HSPA8: variants seen among roughly 807,000 people sequenced by gnomAD.
The protein encoded by HSPA8 is heat shock protein family A (Hsp70) member 8.
HSPA8 carries 2 observed loss-of-function variants against 52.8 expected under a neutral mutation model. The ratio of observed to expected loss-of-function variants is 0.04; its 90% CI spans 0.02 to 0.12. The LOEUF (loss-of-function observed/expected upper bound fraction) is 0.12, where lower values mean the gene tolerates loss of function less well. HSPA8 is among the 10% of genes least tolerant of loss of function. The pLI is 1.00. For synonymous variants in HSPA8, 436 were observed against 274.0 expected (o/e 1.59, Z -5.84); for missense variants, 349 against 800.5 (o/e 0.44, Z 6.81).
intron 1 of HSPA8, chr11:123,061,709 A>G (rs1865509503): frequency 3.6e-6 from 1 of 275,090 alleles, no homozygotes; most frequent in Admixed American, 4.9e-5. Context: ...ACAGCTCTGA[A>G]GAACCACGGT....
chr11:123,057,575 C>T lies in HSPA8; in HGVS notation c.*159G>A, dbSNP rs1286111505. ...GTGTTTATAAAGTGCAATGTTATTT[C>T]CTTCCCCTGTGCATATGTTCCATAT... On this transcript the variant is annotated 3_prime_UTR_variant, in exon 9 of 9. Coordinates refer to ENST00000534624, the MANE Select transcript of HSPA8 (RefSeq NM_006597.6). The T allele has an allele frequency of 8.9e-6, 5 of 564,604 alleles. No homozygotes were observed. Among genetic ancestry groups the T allele is most frequent in the Non-Finnish European group, 1.6e-5 (5 of 320,774 alleles). The allele number at this position is 564,604 out of a possible 1,614,324, so 35.0% of individuals were successfully genotyped here.
chr11:123,059,410 C>T, intron 5 of HSPA8, 63 bp downstream of exon 5: 2 of 1,445,038 alleles, frequency 1.4e-6, no homozygotes, highest in Non-Finnish European at 1.9e-6. Context: ...TTAACAATCA[C>T]TCATCACAGC....
Position 123,057,776 on chromosome 11 carries a change from A to G in HSPA8, c.1899T>C (p.Ser633=). The stretch of plus-strand genomic sequence containing the variant: ...TGGTGGGCCCTGAGGAAGCACCACC[A>G]GAGGGAGGAGCTCCACCACCAGGAA... ...GGFPGGGAPP[S]GGASSGPTIE... is the part of the protein sequence containing the mutation. Residue 633 remains serine, a synonymous_variant, in exon 9 of 9, where the codon TCT becomes TCC. Coordinates refer to ENST00000534624, the MANE Select transcript of HSPA8 (RefSeq NM_006597.6). 1 of 1,613,752 alleles carries G rather than the reference A, an allele frequency of 6.2e-7. No individual in the cohort carries two copies. The highest frequency in any genetic ancestry group is 1.1e-5 in the South Asian group (1 of 91,064).
In HSPA8 at chr11:123,060,701, G is replaced by C; in HGVS notation, c.303C>G (p.Pro101=). 1 of 1,613,652 alleles carries C rather than the reference G, an allele frequency of 6.2e-7. No individual in the cohort carries two copies. The highest frequency in any genetic ancestry group is 1.1e-5 in the South Asian group (1 of 91,074). ...PFMVVNDAGR[P]KVQVEYKGET... Reference sequence around the variant, plus strand: ...CTCCCTTGTATTCTACTTGGACCTTGGGCCTGCCAGCATCATTCACCACCA... The same window carrying C: ...CTCCCTTGTATTCTACTTGGACCTTCGGCCTGCCAGCATCATTCACCACCA... Residue 101 remains proline (P), a synonymous_variant, in exon 3 of 9, where the codon CCC becomes CCG. Coordinates refer to ENST00000534624, the MANE Select transcript of HSPA8 (RefSeq NM_006597.6).
At chr11:123,060,529 C>T in intron 3 of HSPA8, 64 bp downstream of exon 3, 3 of 1,268,010 alleles carry the variant, frequency 2.4e-6, no homozygotes, top group Non-Finnish European at 3.5e-6. Flanking sequence ...GTGCCAGTGC[C>T]CCCGGGAGTC....
intron 3 of HSPA8, 41 bp from the exon 4 acceptor site, chr11:123,060,309 C>G (rs76100066): frequency 3.2e-6 from 5 of 1,585,280 alleles, no homozygotes; most frequent in East Asian, 2.2e-5. Flanking sequence ...AACTATTATA[C>G]TTACATATAT....
Position 123,061,277 on chromosome 11 carries a change from A to G in HSPA8, c.48T>C (p.Ser16=). Residue 16 remains serine (S), a synonymous_variant, in exon 2 of 9, where the codon TCT becomes TCC. Transcript: ENST00000534624. ...AVGIDLGTTY[S]CVGVFQHGKV... is the part of the protein sequence containing the mutation. ...TTCCGTGCTGGAAAACACCCACACA[A>G]GAGTAGGTGGTGCCAAGATCAATAC... 1.2e-6 allele frequency: 2 copies of G among 1,613,988 alleles called. No homozygotes were observed. The highest frequency in any genetic ancestry group is 1.7e-6 in the Non-Finnish European group (2 of 1,179,864).
At chr11:123,061,420 G>A (rs965626219) in intron 1 of HSPA8, 91 bp from the exon 2 acceptor site, 4 of 961,294 alleles carry the variant, frequency 4.2e-6, no homozygotes, top group Non-Finnish European at 6.4e-6. Context: ...AAAAACGTAT[G>A]GCCACTGCCA....
chr11:123,058,088 T>C (rs1401021673), intron 8 of HSPA8, 164 bp downstream of exon 8: 1 of 715,808 alleles, frequency 1.4e-6, no homozygotes, highest in Non-Finnish European at 2.3e-6. Flanking sequence ...CACTCAGACA[T>C]CCAAGGAAGG....
At position 123,059,128 on chromosome 11, in the gene HSPA8, G is replaced by A. The variant is rs550170308; in HGVS notation, c.1254C>T (p.Thr418=). The change falls in exon 6 of 9, where the codon ACC becomes ACT. Residue 418 remains threonine (T), a synonymous_variant. Coordinates refer to ENST00000534624, the MANE Select transcript of HSPA8 (RefSeq NM_006597.6). ...TCTGTGTCTGCTTGGTAGGAATGGT[G>A]GTATTACGCTTGATGAGGACAGTCA... ...GVMTVLIKRN[T]TIPTKQTQTF... 33 of 1,612,102 alleles carry A rather than the reference G, an allele frequency of 2.0e-5. No individual in the cohort carries two copies. In the South Asian group the frequency reaches 3.0e-4, roughly 14 times the overall value.
At chr11:123,060,821 ACACTTTCAATTT>A in intron 2 of HSPA8, 23 bp from the exon 3 acceptor site, 4 of 1,080,760 alleles carry the variant, frequency 3.7e-6, no homozygotes, top group Non-Finnish European at 4.9e-6. Flanking sequence ...TCAAATGAAA[ACACTTTCAATTT>A]CATAGCTCTT....
At chr11:123,062,315 C>A (rs1414329833), upstream of HSPA8, 1 of 152,716 alleles carries the variant, frequency 6.5e-6, no homozygotes, top group Non-Finnish European at 1.5e-5. Context: ...GCACCCACCC[C>A]ACCGCGCTCC....
chr11:123,062,178 A>G (rs1239373720), upstream of HSPA8: 1 of 152,554 alleles, frequency 6.6e-6, no homozygotes, highest in Non-Finnish European at 1.5e-5. Context: ...ACCCTATCTT[A>G]GAACCTTCCA....
In HSPA8 at chr11:123,058,335, G is replaced by T; in HGVS notation, c.1672C>A (p.Leu558Ile). ...NMKATVEDEK[L>I]QGKINDEDKQ... ...TCCTCATCGTTAATCTTGCCTTGAA[G>T]TTTCTCATCTTCAACAGTTGCTTTC... Residue 558 changes from leucine (L) to isoleucine (I), a missense_variant, in exon 8 of 9, where the codon CTT (leucine) becomes ATT (isoleucine). Coordinates refer to ENST00000534624, the MANE Select transcript of HSPA8 (RefSeq NM_006597.6). 2 of 1,613,518 alleles carry T rather than the reference G, an allele frequency of 1.2e-6. No individual in the cohort carries two copies. Among genetic ancestry groups the T allele is most frequent in the Non-Finnish European group, 1.7e-6 (2 of 1,179,782 alleles).
In HSPA8 at chr11:123,058,288, C is replaced by T. The variant is rs757641811; in HGVS notation, c.1719G>A (p.Lys573=). Residue 573 remains lysine, a synonymous_variant, in exon 8 of 9, where the codon AAG becomes AAA. Transcript: ENST00000534624. ...NDEDKQKILD[K]CNEIINWLDK... ...CAAGCCAGTTGATAATTTCATTACA[C>T]TTGTCCAGAATCTTCTGTTTGTCCT... 1.6e-5 allele frequency: 25 copies of T among 1,590,848 alleles called. No individual in the cohort carries two copies. Among genetic ancestry groups the T allele is most frequent in the South Asian group, 1.1e-4 (10 of 90,546 alleles).
chr11:123,062,022 C>G (rs1054302005), intron 1 of HSPA8, 42 bp downstream of exon 1: 1 of 153,126 alleles, frequency 6.5e-6, no homozygotes, highest in Non-Finnish European at 1.5e-5. Context: ...GGAGGCTGCA[C>G]GCTCCCAGAC....
rs1064585 is a variant in HSPA8 at position 123,058,699 on chromosome 11, T to G, written c.1455A>C (p.Ile485=). The G allele has an allele frequency of 0.18, 289,941 of 1,612,996 alleles. 29,050 individuals carry two copies. Among genetic ancestry groups the G allele is most frequent in the African/African-American group, 0.4 (30,119 of 74,902 alleles). Residue 485 remains isoleucine, a synonymous_variant, in exon 7 of 9, where the codon ATA becomes ATC. Transcript: ENST00000534624. Reference sequence around the variant, plus strand: ...TCTTGTCCACAGCAGAGACATTGAGTATACCATTGGCATCAATGTCAAAAG... The same window carrying G: ...TCTTGTCCACAGCAGAGACATTGAGGATACCATTGGCATCAATGTCAAAAG... ...EVTFDIDANG[I]LNVSAVDKST...
chr11:123,058,535 G>C (rs374190356), intron 7 of HSPA8, 51 bp from the exon 8 acceptor site: 20 of 1,583,730 alleles, frequency 1.3e-5, no homozygotes, highest in African/African-American at 1.3e-5. Flanking sequence ...CTGTGTATGT[G>C]TAACTCTAGT....
Position 123,057,915 on chromosome 11 carries a change from G to A in HSPA8, c.1760C>T (p.Ala587Val). 6.2e-7 allele frequency: 1 copy of A among 1,603,322 alleles called. No homozygotes were observed. Among genetic ancestry groups the A allele is most frequent in the Non-Finnish European group, 8.5e-7 (1 of 1,175,412 alleles). Residue 587 changes from alanine (A) to valine (V), a missense_variant, in exon 9 of 9, where the codon GCT (alanine) becomes GTT (valine). Coordinates refer to ENST00000534624, the MANE Select transcript of HSPA8 (RefSeq NM_006597.6). ...IINWLDKNQT[A>V]EKEEFEHQQK... ...TTGATGTTCAAATTCTTCCTTCTCA[G>A]CAGTCTGAGGAAGAGAAAAAGGAAT...
Sources: gnomAD v4.1 joint callset for allele counts on GRCh38, gnomAD v4.1.1 for gene constraint, MANE v1.5 for transcripts, NCBI Gene and HGNC (gene_info 2026-07-23, HGNC 2026-07-21) for gene names.